STK3: variants seen among roughly 807,000 people sequenced by gnomAD.
The protein encoded by STK3 is serine/threonine kinase 3.
A neutral mutation model predicts 58.0 loss-of-function variants in STK3; 41 were observed. The observed-to-expected ratio is 0.71, with a 90% CI of 0.55 to 0.92. The LOEUF is 0.92. Among genes scored for constraint, STK3 ranks in the 40% least tolerant of loss-of-function variants. The pLI, the probability that STK3 is intolerant of heterozygous loss-of-function variation, is 0.00. For synonymous variants in STK3, 170 were observed against 191.0 expected (o/e 0.89, Z 0.91); for missense variants, 479 against 602.7 (o/e 0.79, Z 2.15).
chr8:98,830,960 ACT>A (rs1835509583), intron 3 of STK3, among the ~76,000 whole-genome samples: 1 of 124,508 alleles, frequency 8.0e-6, no homozygotes, highest in Non-Finnish European at 1.6e-5. Flanking sequence ...ACAGAGCAAG[ACT>A]CTGTCTCAAA....
At chr8:98,693,244 A>G (rs1194408927) in intron 6 of STK3, among the ~76,000 whole-genome samples, 1 of 152,058 alleles carries the variant, frequency 6.6e-6, no homozygotes, top group Non-Finnish European at 1.5e-5. Context: ...AAAAAAATAT[A>G]AGATTTAGCC....
intron 3 of STK3, among the ~76,000 whole-genome samples, chr8:98,867,905 C>A (rs1356274043): frequency 1.3e-5 from 2 of 152,168 alleles, no homozygotes; most frequent in African/African-American, 4.8e-5. Context: ...ATAACATTCC[C>A]ATTTATGGTA....
chr8:98,805,306 G>A (rs558632502), intron 1 of STK3, among the ~76,000 whole-genome samples: 20 of 152,248 alleles, frequency 1.3e-4, no homozygotes, highest in African/African-American at 3.4e-4. Context: ...TAGGCCGGGC[G>A]CGGTGGCTCA....
intron 4 of STK3, among the ~76,000 whole-genome samples, chr8:98,711,887 A>C (rs1826485540): frequency 6.6e-6 from 1 of 152,176 alleles, no homozygotes; most frequent in Non-Finnish European, 1.5e-5. Context: ...CCAGAGAGAA[A>C]GGTCGGGTTA....
At chr8:98,758,057 A>G (rs1048534544) in intron 3 of STK3, among the ~76,000 whole-genome samples, 6 of 152,250 alleles carry the variant, frequency 3.9e-5, no homozygotes, top group Non-Finnish European at 7.3e-5. Flanking sequence ...AAAACACTGT[A>G]ACACTCTAGT....
intron 10 of STK3, among the ~76,000 whole-genome samples, chr8:98,468,496 T>A (rs1820652464): frequency 6.6e-6 from 1 of 152,242 alleles, no homozygotes; most frequent in African/African-American, 2.4e-5. Flanking sequence ...TCTACCTTAA[T>A]AATAAATAAG....
intron 10 of STK3, among the ~76,000 whole-genome samples, chr8:98,473,295 C>T (rs1821063185): frequency 6.6e-6 from 1 of 150,680 alleles, no homozygotes; most frequent in African/African-American, 2.4e-5. Flanking sequence ...CTGGATTGCC[C>T]CAAAGTAGTC....
intron 2 of STK3, among the ~76,000 whole-genome samples, chr8:98,371,838 G>C (rs1194745251): frequency 6.6e-6 from 1 of 152,208 alleles, no homozygotes; most frequent in Non-Finnish European, 1.5e-5. Flanking sequence ...CATAGGACAT[G>C]GTGGTGTTAT....
chr8:98,774,049 G>C (rs1243880659), intron 2 of STK3, among the ~76,000 whole-genome samples: 1 of 152,108 alleles, frequency 6.6e-6, no homozygotes, highest in Non-Finnish European at 1.5e-5. Flanking sequence ...ACCCACCTCA[G>C]CCTCCCAAAG....
intron 3 of STK3, chr8:98,427,159 C>G (rs1194952959): frequency 6.7e-6 from 1 of 150,318 alleles, no homozygotes; most frequent in Non-Finnish European, 1.5e-5. Context: ...GGCGGCGTAC[C>G]CGGCCCGAGA....
chr8:98,832,501 C>A (rs2131785996), intron 3 of STK3, among the ~76,000 whole-genome samples: 1 of 152,142 alleles, frequency 6.6e-6, no homozygotes, highest in East Asian at 1.9e-4. Context: ...GAAAGGAATG[C>A]TGGTCAGTTG....
chr8:98,669,621 G>C (rs1180716634), intron 6 of STK3, among the ~76,000 whole-genome samples: 1 of 152,060 alleles, frequency 6.6e-6, no homozygotes, highest in African/African-American at 2.4e-5. Flanking sequence ...TGTTCTCTTA[G>C]GGTGCTTCAT....
intron 1 of STK3, among the ~76,000 whole-genome samples, chr8:98,446,787 C>T (rs1235047604): frequency 6.6e-6 from 1 of 152,062 alleles, no homozygotes; most frequent in Non-Finnish European, 1.5e-5. Context: ...CATATGCACG[C>T]AAATGTTCAT....
intron 6 of STK3, among the ~76,000 whole-genome samples, chr8:98,612,918 T>A (rs2130236111): frequency 6.6e-6 from 1 of 152,276 alleles, no homozygotes; most frequent in East Asian, 1.9e-4. Flanking sequence ...CAGCCCCCCC[T>A]AGCAGTGTCA....
At chr8:98,534,316 T>C (rs190714499) in intron 9 of STK3, among the ~76,000 whole-genome samples, 26 of 152,238 alleles carry the variant, frequency 1.7e-4, no homozygotes, top group African/African-American at 4.6e-4. Flanking sequence ...TTTAAGATAG[T>C]ATAAAACACC....
intron 1 of STK3, among the ~76,000 whole-genome samples, chr8:98,785,525 C>T (rs1479616109): frequency 6.6e-6 from 1 of 152,180 alleles, no homozygotes; most frequent in Admixed American, 6.5e-5. Flanking sequence ...GGTGAGCCTG[C>T]CCAGTCCAGC....
intron 3 of STK3, chr8:98,412,861 T>C (rs1818071649): frequency 8.4e-6 from 2 of 238,316 alleles, no homozygotes; most frequent in Admixed American, 1.1e-4. Flanking sequence ...TATGCATATG[T>C]AATTCTTACC....
chr8:98,714,238 C>A (rs908333705), intron 4 of STK3, among the ~76,000 whole-genome samples: 4 of 152,200 alleles, frequency 2.6e-5, no homozygotes, highest in African/African-American at 2.4e-5. Context: ...GATGCCCTCT[C>A]TCACCGCTCC....
intron 1 of STK3, among the ~76,000 whole-genome samples, chr8:98,449,586 T>C (rs939790112): frequency 2.2e-4 from 34 of 152,110 alleles, no homozygotes; most frequent in Non-Finnish European, 7.4e-5. Flanking sequence ...TCATCACAAA[T>C]GGGGCAACTT....
Sources: gnomAD v4.1 joint callset for allele counts (sites outside exome capture counted in the v4.1 genomes callset) on GRCh38, gnomAD v4.1.1 for gene constraint, MANE v1.5 for transcripts, NCBI Gene and HGNC (gene_info 2026-07-23, HGNC 2026-07-21) for gene names.